The following AK8 variants were observed in gnomAD, a reference collection of about 807,000 sequenced individuals.
The protein encoded by AK8 is ATP-AMP transphosphorylase 8.
Under a neutral mutation model 54.6 loss-of-function variants are expected in AK8, and 44 were observed. The ratio of observed to expected loss-of-function variants is 0.81; its 90% confidence interval spans 0.63 to 1.04. The LOEUF is 1.04. AK8 is among the 50% of genes least tolerant of loss of function. AK8 has a pLI of 0.00. For missense variants in AK8, 555 were observed against 613.6 expected (o/e 0.90, Z 1.01); for synonymous variants, 239 against 245.6 (o/e 0.97, Z 0.25).
At chr9:132,878,369 T>A (rs1328406964), upstream of AK8, 1 of 1,247,024 alleles carries the variant, frequency 8.0e-7, no homozygotes, top group Non-Finnish European at 1.0e-6. This position sits in a 1 kb window ranked among gnomAD's most constrained non-coding sequence, Gnocchi z 4.7. Flanking sequence ...CGGGCCCAGA[T>A]ACCCGATCCT....
intron 11 of AK8, among the ~76,000 whole-genome samples, chr9:132,772,458 G>T (rs954149998): frequency 1.3e-5 from 2 of 152,190 alleles, no homozygotes; most frequent in Non-Finnish European, 2.9e-5. Context: ...ATGTGGACAC[G>T]CAGAGAGGCA....
chr9:132,845,052 G>C (rs1000310101), intron 5 of AK8, among the ~76,000 whole-genome samples: 1 of 152,188 alleles, frequency 6.6e-6, no homozygotes, highest in African/African-American at 2.4e-5. Flanking sequence ...GTTGCTGTAA[G>C]GACTCCACAG....
chr9:132,858,107 C>T (rs913480998), intron 4 of AK8, among the ~76,000 whole-genome samples: 1 of 152,242 alleles, frequency 6.6e-6, no homozygotes, highest in African/African-American at 2.4e-5. Context: ...GGCCCCGGGT[C>T]TCCCTGCTCG....
At chr9:132,749,942 CCT>C (rs1235139423) in intron 11 of AK8, among the ~76,000 whole-genome samples, 1 of 146,230 alleles carries the variant, frequency 6.8e-6, no homozygotes, top group East Asian at 2.2e-4. Flanking sequence ...CAACCTCCTT[CCT>C]CTGTCTTCCT....
intron 11 of AK8, among the ~76,000 whole-genome samples, chr9:132,738,659 G>C (rs1357375013): frequency 6.6e-6 from 1 of 152,082 alleles, no homozygotes; most frequent in Non-Finnish European, 1.5e-5. Context: ...TCTCGTTTGA[G>C]GCAAGGATAG....
intron 2 of AK8, among the ~76,000 whole-genome samples, chr9:132,868,658 A>ATTGCT (rs1843692037): frequency 6.6e-6 from 1 of 152,192 alleles, no homozygotes; most frequent in Non-Finnish European, 1.5e-5. Context: ...CAGGAAGAGA[A>ATTGCT]GCTCCCAAGG....
At chr9:132,764,858 A>G (rs1838649217) in intron 11 of AK8, among the ~76,000 whole-genome samples, 1 of 151,848 alleles carries the variant, frequency 6.6e-6, no homozygotes, top group Admixed American at 6.5e-5. Flanking sequence ...AATGCATTCT[A>G]TGAGGCCAGC....
chr9:132,833,807 C>T (rs550504717), intron 5 of AK8, among the ~76,000 whole-genome samples: 5 of 152,388 alleles, frequency 3.3e-5, no homozygotes, highest in Non-Finnish European at 4.4e-5. Context: ...ACGAGCCGTC[C>T]GGCTTTGTGC....
intron 9 of AK8, among the ~76,000 whole-genome samples, chr9:132,816,123 G>A (rs1362178424): frequency 1.3e-5 from 2 of 152,148 alleles, no homozygotes; most frequent in Admixed American, 6.5e-5. Flanking sequence ...GGAGGCCAAG[G>A]CGGGAGGATC....
chr9:132,866,784 G>A (rs765025949), intron 3 of AK8, 120 bp downstream of exon 3: 2 of 977,200 alleles, frequency 2.0e-6, no homozygotes, highest in South Asian at 2.9e-5. Flanking sequence ...ATAAGAAGGA[G>A]GAGAAGGAAA....
chr9:132,872,839 T>A (rs1843910180), intron 2 of AK8, among the ~76,000 whole-genome samples: 1 of 152,152 alleles, frequency 6.6e-6, no homozygotes, highest in Non-Finnish European at 1.5e-5. Flanking sequence ...AGAGACAGAG[T>A]CTCGCTCTTT....
At chr9:132,772,738 G>A (rs535082159) in intron 11 of AK8, among the ~76,000 whole-genome samples, 37 of 152,314 alleles carry the variant, frequency 2.4e-4, no homozygotes, top group Non-Finnish European at 1.3e-4. Flanking sequence ...CACAAGGCCA[G>A]TCCATTCTTC....
intron 5 of AK8, among the ~76,000 whole-genome samples, chr9:132,836,939 T>G (rs1396459296): frequency 6.6e-6 from 1 of 152,246 alleles, no homozygotes; most frequent in Non-Finnish European, 1.5e-5. Flanking sequence ...GTCTGGCAGA[T>G]AGCAGGTGCT....
chr9:132,865,890 T>G (rs1232658182), intron 3 of AK8, among the ~76,000 whole-genome samples: 1 of 151,942 alleles, frequency 6.6e-6, no homozygotes, highest in South Asian at 2.1e-4. Flanking sequence ...TTTTAACACA[T>G]TTTTGGTACT....
intron 11 of AK8, among the ~76,000 whole-genome samples, chr9:132,785,247 G>T (rs991454679): frequency 6.6e-6 from 1 of 152,032 alleles, no homozygotes; most frequent in East Asian, 1.9e-4. Context: ...GGGACTACAG[G>T]CGCCCACCAC....
intron 3 of AK8, among the ~76,000 whole-genome samples, chr9:132,864,263 G>A (rs775928907): frequency 3.4e-4 from 52 of 152,278 alleles, no homozygotes; most frequent in Non-Finnish European, 6.3e-4. Flanking sequence ...AAATTTTAAG[G>A]GAGAATAATG....
intron 10 of AK8, 116 bp from the exon 11 acceptor site, chr9:132,792,891 C>T: frequency 8.1e-7 from 1 of 1,229,254 alleles, no homozygotes; most frequent in Non-Finnish European, 1.1e-6. Flanking sequence ...TAGGTGGAGC[C>T]ACTTGGAACC....
At chr9:132,827,090 T>A (rs1178245625) in intron 7 of AK8, 36 bp from the exon 8 acceptor site, 2 of 1,601,508 alleles carry the variant, frequency 1.2e-6, no homozygotes, top group African/African-American at 2.7e-5. Flanking sequence ...GAAATGGCCA[T>A]GCAGGGGCCC....
intron 10 of AK8, among the ~76,000 whole-genome samples, chr9:132,798,689 G>GTTT (rs111989687): frequency 6.7e-6 from 1 of 148,866 alleles, no homozygotes; most frequent in Non-Finnish European, 1.5e-5. Flanking sequence ...GGTTTCGTTT[G>GTTT]TTTTTTTTTT....
Sources: allele counts gnomAD v4.1 joint callset (sites outside exome capture counted in the v4.1 genomes callset), GRCh38; gene constraint gnomAD v4.1.1; non-coding constraint Gnocchi (gnomAD v3.1); transcripts MANE v1.5; gene names NCBI Gene and HGNC (gene_info 2026-07-23, HGNC 2026-07-21).